KCNIP4: variants seen among roughly 807,000 people sequenced by gnomAD.
The protein encoded by KCNIP4 is Kv channel-interacting protein 4.
KCNIP4 carries 12 observed loss-of-function variants against 34.0 expected under a neutral mutation model. The ratio of observed to expected loss-of-function variants is 0.35; its 90% CI spans 0.23 to 0.57. KCNIP4 has a LOEUF of 0.57. KCNIP4 is among the 20% of genes least tolerant of loss of function. The pLI, the probability that KCNIP4 is intolerant of heterozygous loss-of-function variation, is 0.83. For synonymous variants in KCNIP4, 124 were observed against 102.2 expected (o/e 1.21, Z -1.29); for missense variants, 238 against 311.7 (o/e 0.76, Z 1.78).
intron 3 of KCNIP4, among the ~76,000 whole-genome samples, chr4:20,807,612 T>C (rs953189143): frequency 2.6e-5 from 4 of 152,190 alleles, no homozygotes; most frequent in South Asian, 2.1e-4. Flanking sequence ...ACTTATGTCA[T>C]TTTTAAAAAT....
At chr4:20,862,507 T>C (rs928674352) in intron 2 of KCNIP4, among the ~76,000 whole-genome samples, 1 of 152,066 alleles carries the variant, frequency 6.6e-6, no homozygotes, top group African/African-American at 2.4e-5. Context: ...AGAGGGATTA[T>C]GAGCAAAGAG....
intron 1 of KCNIP4, chr4:21,304,085 G>A (rs10034726): frequency 4.7e-6 from 1 of 213,220 alleles, no homozygotes; most frequent in South Asian, 1.1e-4. Context: ...GAGAGAGAGA[G>A]ACAGAGAGAG....
intron 1 of KCNIP4, among the ~76,000 whole-genome samples, chr4:21,324,262 T>G (rs1714800843): frequency 6.6e-6 from 1 of 152,028 alleles, no homozygotes. Context: ...TATGATTCCT[T>G]TTGTCCATTT....
At chr4:21,519,757 A>ATGTGTGTATACACACGTGTGTGTG in intron 1 of KCNIP4, among the ~76,000 whole-genome samples, 1 of 123,990 alleles carries the variant, frequency 8.1e-6, no homozygotes, top group South Asian at 2.5e-4. Flanking sequence ...ACGTGTGTGT[A>ATGTGTGTATACACACGTGTGTGTG]TGTATGTGTG....
intron 1 of KCNIP4, among the ~76,000 whole-genome samples, chr4:21,773,755 T>TTTTTG (rs377403469): frequency 5.8e-4 from 80 of 137,918 alleles, no homozygotes; most frequent in Non-Finnish European, 8.9e-4. Flanking sequence ...GTTTTTTTTT[T>TTTTTG]TTTGTTTGTT....
At chr4:21,155,194 C>T (rs1753055719) in intron 1 of KCNIP4, among the ~76,000 whole-genome samples, 1 of 152,202 alleles carries the variant, frequency 6.6e-6, no homozygotes, top group Non-Finnish European at 1.5e-5. Flanking sequence ...ATTTTGCGTA[C>T]CTCCAGACTT....
intron 1 of KCNIP4, among the ~76,000 whole-genome samples, chr4:21,363,437 G>C (rs565578102): frequency 1.4e-4 from 21 of 152,252 alleles, no homozygotes; most frequent in Middle Eastern, 3.4e-3. Context: ...TCATGACAAA[G>C]TGAACCAGGA....
intron 3 of KCNIP4, among the ~76,000 whole-genome samples, chr4:20,772,597 T>A (rs1428159401): frequency 1.3e-5 from 2 of 151,804 alleles, no homozygotes; most frequent in Admixed American, 6.6e-5. Flanking sequence ...CTAAATACAT[T>A]TTATACATTT....
chr4:20,825,623 C>A (rs1578709827), intron 3 of KCNIP4, among the ~76,000 whole-genome samples: 1 of 152,150 alleles, frequency 6.6e-6, no homozygotes, highest in East Asian at 1.9e-4. Context: ...TATGCCAGAG[C>A]TAGGCAGGCA....
At chr4:21,671,069 C>T (rs1749465923) in intron 1 of KCNIP4, among the ~76,000 whole-genome samples, 1 of 148,578 alleles carries the variant, frequency 6.7e-6, no homozygotes, top group African/African-American at 2.5e-5. Flanking sequence ...CGTTTTGTTT[C>T]TGCTGTGTTT....
chr4:21,174,849 G>A (rs1444530660), intron 1 of KCNIP4, among the ~76,000 whole-genome samples: 3 of 150,050 alleles, frequency 2.0e-5, no homozygotes, highest in East Asian at 2.0e-4. Context: ...GCGGTGGACC[G>A]AGATTGCACC....
At chr4:21,863,018 T>G (rs1453585175) in intron 1 of KCNIP4, among the ~76,000 whole-genome samples, 1 of 152,086 alleles carries the variant, frequency 6.6e-6, no homozygotes, top group Non-Finnish European at 1.5e-5. Context: ...TTAAGTGATT[T>G]TTTTTCCCAT....
At chr4:20,909,388 A>G (rs1303723709) in intron 1 of KCNIP4, among the ~76,000 whole-genome samples, 3 of 152,180 alleles carry the variant, frequency 2.0e-5, no homozygotes, top group African/African-American at 7.2e-5. Context: ...CCAGTTAATG[A>G]TGAAAATGGC....
intron 1 of KCNIP4, among the ~76,000 whole-genome samples, chr4:20,924,021 T>C (rs1729663276): frequency 6.6e-6 from 1 of 152,154 alleles, no homozygotes; most frequent in Admixed American, 6.5e-5. Flanking sequence ...GAGTACCACA[T>C]ATGATTTATT....
intron 1 of KCNIP4, among the ~76,000 whole-genome samples, chr4:21,294,920 A>G (rs532875579): frequency 2.6e-5 from 4 of 152,204 alleles, no homozygotes; most frequent in Non-Finnish European, 4.4e-5. Flanking sequence ...TCAAAGGATA[A>G]CAACATTGTC....
At position 21,839,276 on chromosome 4, in the gene KCNIP4, T is replaced by A. The variant is rs114717815; in HGVS notation, c.61+109295A>T. 8.2e-3 allele frequency among the ~76,000 whole-genome samples: 1,254 copies of A among 152,282 alleles called. 20 individuals are homozygous for A. Among genetic ancestry groups the A allele is most frequent in the African/African-American group, 0.028 (1,183 of 41,554 alleles). Reference sequence around the variant, plus strand: ...TTATATTCCATTAGAAGTTGCAACGTATTATCTAAATGTAACAATGATTTA... The same window carrying A: ...TTATATTCCATTAGAAGTTGCAACGAATTATCTAAATGTAACAATGATTTA... On this transcript the variant is annotated intron_variant, in intron 1 of 8. Coordinates refer to ENST00000382152, the MANE Select transcript of KCNIP4 (RefSeq NM_025221.6).
At chr4:21,086,408 C>A (rs914419058) in intron 1 of KCNIP4, among the ~76,000 whole-genome samples, 3 of 152,030 alleles carry the variant, frequency 2.0e-5, no homozygotes, top group Admixed American at 6.5e-5. Flanking sequence ...CCCTGAGTGC[C>A]TGGTAGGTAT....
intron 1 of KCNIP4, among the ~76,000 whole-genome samples, chr4:20,974,015 G>A (rs1210569861): frequency 6.6e-6 from 1 of 152,058 alleles, no homozygotes; most frequent in Non-Finnish European, 1.5e-5. Context: ...TCCAAAATGT[G>A]ATACAAAGAC....
intron 1 of KCNIP4, among the ~76,000 whole-genome samples, chr4:21,178,867 A>G (rs1424222368): frequency 6.9e-6 from 1 of 145,952 alleles, no homozygotes; most frequent in Non-Finnish European, 1.5e-5. Context: ...CTCAGGTTGC[A>G]GTGCAAGTGG....
Sources: gnomAD v4.1 joint callset for allele counts (sites outside exome capture counted in the v4.1 genomes callset) on GRCh38, gnomAD v4.1.1 for gene constraint, MANE v1.5 for transcripts, NCBI Gene and HGNC (gene_info 2026-07-23, HGNC 2026-07-21) for gene names.